CCDC112: variants seen among roughly 807,000 people sequenced by gnomAD.
The protein encoded by CCDC112 is coiled-coil domain containing 112.
A neutral mutation model predicts 66.3 loss-of-function variants in CCDC112; 40 were observed. The observed-to-expected ratio is 0.60, with a 90% CI of 0.47 to 0.79. The LOEUF is 0.79. CCDC112 is among the 30% of genes least tolerant of loss of function. The probability of loss-of-function intolerance (pLI) is 0.00; values close to 1 mark genes in which losing one functional copy is unlikely to be tolerated. For synonymous variants in CCDC112, 214 were observed against 197.2 expected, an observed-to-expected ratio of 1.09 and a Z score of -0.71; for missense variants, 659 against 603.8, an observed-to-expected ratio of 1.09 and a Z score of -0.96.
chr5:115,269,927 A>G (rs1467308174), intron 7 of CCDC112, 129 bp from the exon 8 acceptor site: 2 of 581,510 alleles, frequency 3.4e-6, no homozygotes, highest in South Asian at 4.6e-5. Context: ...CTTTCCAACA[A>G]AGCCTAAGAG....
chr5:115,270,046 A>G (rs67430998), intron 7 of CCDC112, among the ~76,000 whole-genome samples: 11,762 of 152,066 alleles, frequency 0.077, 753 homozygotes, highest in African/African-American at 0.17. Context: ...CTCCCTTTTA[A>G]TAGGTGAGTT....
chr5:115,296,054 C>G, intron 1 of CCDC112: 1 of 1,005,616 alleles, frequency 9.9e-7, no homozygotes, highest in Non-Finnish European at 1.2e-6. Context: ...CAGAGTCCCC[C>G]TCCAATCAAG....
intron 1 of CCDC112, among the ~76,000 whole-genome samples, chr5:115,293,972 T>C (rs1750042565): frequency 6.6e-6 from 1 of 152,122 alleles, no homozygotes; most frequent in African/African-American, 2.4e-5. Flanking sequence ...AGAGAACAGA[T>C]GGTAACAAGA....
rs778123386 is a variant in CCDC112 at position 115,275,979 on chromosome 5, G to A, written c.527+15C>T. ...AAGGTCAATAATTTTATATTAAAAT[G>A]AGTTTAAAACATACATCAACCTCTG... On this transcript the variant is annotated intron_variant, in intron 5 of 9. Coordinates refer to ENST00000379611, the MANE Select transcript of CCDC112 (RefSeq NM_001040440.3). 2.0e-6 allele frequency: 3 copies of A among 1,524,498 alleles called. No individual in the cohort carries two copies. The African/African-American group carries it at 4.2e-5, about 21-fold the overall frequency. 94.4% of individuals were successfully genotyped at this position (1,524,498 alleles called of 1,614,324 possible).
In CCDC112 at chr5:115,268,894, T is replaced by C. The variant is rs369022081; in HGVS notation, c.1535A>G (p.His512Arg). ...IGPTGSGPLL[H>R]IPHRAIPTWR... ...AACTCTTTCTTACCTATGTGGGATA[T>C]GTAGAAGTGGCCCAGAGCCTGTTGG... is the stretch of plus-strand genomic sequence containing the variant. The change falls in exon 9 of 10, where the codon CAT becomes CGT. Residue 512 changes from histidine to arginine, a missense_variant. His to Arg is a conservative substitution (Grantham distance 29). Transcript: ENST00000379611. The C allele has an allele frequency of 8.8e-6, 14 of 1,591,808 alleles. No individual in the cohort carries two copies. The highest frequency in any genetic ancestry group is 1.2e-5 in the Non-Finnish European group (14 of 1,167,858).
In CCDC112 at chr5:115,282,582, T is replaced by TA. The variant is rs748526918; in HGVS notation, c.239+2204dup. On this transcript the variant is annotated intron_variant, in intron 2 of 9. Transcript: ENST00000379611. ...TCCTTGTTATCTAAGACATACACTT[T>TA]AAAAAAAAATGCAGAGCAATGTGGA... Among the ~76,000 whole-genome samples the TA allele has an allele frequency of 1.3e-4, 20 of 151,376 alleles. No homozygotes were observed. The East Asian group carries it at 1.6e-3, about 12-fold the overall frequency.
chr5:115,296,596 G>A lies in CCDC112; in HGVS notation c.-53C>T. On this transcript the variant is annotated 5_prime_UTR_variant, in exon 1 of 10. In the 5' UTR this introduces an upstream ATG that the reference lacks. Transcript: ENST00000379611. ...GGCGGCCACCGGTGCCTGGGGATTC[G>A]TGGCAGGCGCACCCTGGCCTCTGCA... 7.1e-7 allele frequency: 1 copy of A among 1,413,336 alleles called. No homozygotes were observed. Among genetic ancestry groups the A allele is most frequent in the Non-Finnish European group, 9.2e-7 (1 of 1,087,968 alleles). 87.5% of individuals were successfully genotyped at this position (1,413,336 alleles called of 1,614,324 possible). A position where few individuals can be genotyped will look rare whatever the true frequency, so the allele number is the denominator to read the frequency against.
Position 115,275,298 on chromosome 5 carries a change from A to T in CCDC112, c.836T>A (p.Leu279His). The part of the protein sequence containing the change: ...PTFMEEVLEH[L>H]PGKTQDEVQQ... ...AACTTCATCTTGTGTTTTTCCAGGA[A>T]GGTGTTCTAGAACTTCTTCCATAAA... The change falls in exon 6 of 10, where the codon CTT (leucine) becomes CAT (histidine). Residue 279 changes from leucine to histidine, a missense_variant. By Grantham distance (99) the Leu-to-His change is moderately conservative. Coordinates refer to ENST00000379611, the MANE Select transcript of CCDC112 (RefSeq NM_001040440.3). The T allele has an allele frequency of 6.2e-7, 1 of 1,614,026 alleles. No homozygotes were observed. The highest frequency in any genetic ancestry group is 1.3e-5 in the African/African-American group (1 of 75,030).
intron 6 of CCDC112, among the ~76,000 whole-genome samples, chr5:115,273,974 C>A (rs149984353): frequency 2.2e-4 from 33 of 152,244 alleles, no homozygotes; most frequent in African/African-American, 7.5e-4. Flanking sequence ...AACAAAAATG[C>A]AGCTATTCCC....
chr5:115,277,175 A>G, intron 3 of CCDC112, 121 bp from the exon 4 acceptor site: 3 of 594,432 alleles, frequency 5.0e-6, no homozygotes, highest in Middle Eastern at 3.0e-4. Flanking sequence ...TAAAGAACAA[A>G]AGATATTTAT....
intron 6 of CCDC112, among the ~76,000 whole-genome samples, chr5:115,272,640 A>G (rs192497132): frequency 6.6e-6 from 1 of 152,360 alleles, no homozygotes; most frequent in East Asian, 1.9e-4. Context: ...AAATTATTTC[A>G]AATTCTAGCA....
chr5:115,280,479 C>A (rs1247692664), intron 2 of CCDC112: 1 of 152,070 alleles, frequency 6.6e-6, no homozygotes, highest in Non-Finnish European at 1.5e-5. Flanking sequence ...TTAGTTTGCA[C>A]CCTAAGAGAA....
intron 1 of CCDC112, among the ~76,000 whole-genome samples, chr5:115,285,952 G>T (rs1749657289): frequency 6.6e-6 from 1 of 152,110 alleles, no homozygotes; most frequent in African/African-American, 2.4e-5. Flanking sequence ...TGGGTTGTGG[G>T]GGATGAGGGG....
Position 115,269,699 on chromosome 5 carries a change from G to C in CCDC112, c.1428+4C>G. 1 of 1,573,962 alleles carries C rather than the reference G, an allele frequency of 6.4e-7. No homozygotes were observed. Among genetic ancestry groups the C allele is most frequent in the South Asian group, 1.2e-5 (1 of 86,626 alleles). The stretch of plus-strand genomic sequence containing the variant: ...ACAATGAAAATAATCTCGGTGCAGA[G>C]TACCTTTTCTTTTAATTTTGCCAGT... On this transcript the variant is annotated splice_donor_region_variant and intron_variant, in intron 8 of 9. Coordinates refer to ENST00000379611, the MANE Select transcript of CCDC112 (RefSeq NM_001040440.3).
intron 6 of CCDC112, among the ~76,000 whole-genome samples, chr5:115,271,941 T>TTTA (rs1749019936): frequency 6.8e-6 from 1 of 146,136 alleles, no homozygotes. Context: ...TTTTTTTTTT[T>TTTA]GAGACGGAGT....
At chr5:115,268,780 CATAT>C (rs2127047553) in intron 9 of CCDC112, 98 bp downstream of exon 9, 1 of 408,198 alleles carries the variant, frequency 2.4e-6, no homozygotes, top group African/African-American at 2.1e-5. Flanking sequence ...ATTATATTTT[CATAT>C]ATATATGAAA....
Position 115,267,909 on chromosome 5 carries a change from T to C in CCDC112, c.1557A>G (p.Pro519=), listed in dbSNP as rs776119543. ...PLLHIPHRAI[P]TWRQGIQRRV ...TTCTCTGTATTCCTTGTCTCCAGGT[T>C]GGAATAGCCCTAAGGAGAAAAAGAG... The change falls in exon 10 of 10, where the codon CCA becomes CCG. Residue 519 remains proline (P), a synonymous_variant. Coordinates refer to ENST00000379611, the MANE Select transcript of CCDC112 (RefSeq NM_001040440.3). The C allele has an allele frequency of 1.6e-5, 25 of 1,611,630 alleles. No individual in the cohort carries two copies. The highest frequency in any genetic ancestry group is 2.1e-5 in the Non-Finnish European group (25 of 1,178,076).
At chr5:115,269,126 C>T in intron 8 of CCDC112, 126 bp from the exon 9 acceptor site, 1 of 485,740 alleles carries the variant, frequency 2.1e-6, no homozygotes, top group Admixed American at 3.9e-5. Flanking sequence ...CATTAATAAC[C>T]TCAGTAAACT....
chr5:115,289,609 T>G lies in CCDC112; in HGVS notation c.118-4701A>C, dbSNP rs369506635. Among the ~76,000 whole-genome samples the G allele has an allele frequency of 2.4e-4, 37 of 152,368 alleles. No homozygotes were observed. In the East Asian group the frequency reaches 4.2e-3, roughly 17 times the overall value. The stretch of plus-strand genomic sequence containing the variant: ...AAAGCCAATTCGATCTAAATTGAAC[T>G]AAATTTGTTGTAACTTTGTTCAACA... On this transcript the variant is annotated intron_variant, in intron 1 of 9. Coordinates refer to ENST00000379611, the MANE Select transcript of CCDC112 (RefSeq NM_001040440.3).
Sources: gnomAD v4.1 joint callset for allele counts (sites outside exome capture counted in the v4.1 genomes callset) on GRCh38, gnomAD v4.1.1 for gene constraint, MANE v1.5 for transcripts, NCBI Gene and HGNC (gene_info 2026-07-23, HGNC 2026-07-21) for gene names.